TTC14: variants seen among roughly 807,000 people sequenced by gnomAD.
The protein encoded by TTC14 is tetratricopeptide repeat protein 14.
TTC14 carries 63 observed loss-of-function variants against 79.9 expected under a neutral mutation model. The ratio of observed to expected loss-of-function variants is 0.79; its 90% CI spans 0.64 to 0.97. The LOEUF is 0.97. TTC14 is among the 50% of genes least tolerant of loss of function. TTC14 has a pLI of 0.00. For synonymous variants in TTC14, 335 were observed against 309.6 expected (o/e 1.08, Z -0.86); for missense variants, 895 against 894.0 (o/e 1.00, Z -0.01).
At position 180,610,749 on chromosome 3, in the gene TTC14, A is replaced by T; in HGVS notation, c.*207A>T. 3.2e-6 allele frequency: 4 copies of T among 1,266,446 alleles called. No individual in the cohort carries two copies. The highest frequency in any genetic ancestry group is 4.0e-6 in the Non-Finnish European group (4 of 1,003,386). The allele number at this position is 1,266,446 out of a possible 1,614,324, so 78.5% of individuals were successfully genotyped here. A position where few individuals can be genotyped will look rare whatever the true frequency, so the allele number is the denominator to read the frequency against. ...AGCTTGGTTTTTAGACTTTTTATGT[A>T]TATGTTTATGTACAGTATATTACTC... On this transcript the variant is annotated 3_prime_UTR_variant, in exon 12 of 12. Coordinates refer to ENST00000296015, the MANE Select transcript of TTC14 (RefSeq NM_133462.4).
Position 180,606,233 on chromosome 3 carries a change from T to G in TTC14, c.930-20T>G. On this transcript the variant is annotated intron_variant, in intron 7 of 11. Transcript: ENST00000296015. ...ATATTGTTTGAAGTGTTTGTGATGC[T>G]TTACAAATGTCTTTTTTAGTGTGAA... The G allele has an allele frequency of 6.2e-7, 1 of 1,612,618 alleles. No homozygotes were observed. Among genetic ancestry groups the G allele is most frequent in the Non-Finnish European group, 8.5e-7 (1 of 1,179,536 alleles).
chr3:180,606,888 T>A (rs1716726676), intron 9 of TTC14, among the ~76,000 whole-genome samples: 1 of 152,194 alleles, frequency 6.6e-6, no homozygotes, highest in South Asian at 2.1e-4. Context: ...TATAGGAACT[T>A]CTATTTAATG....
intron 11 of TTC14, 159 bp from the exon 12 acceptor site, chr3:180,609,471 A>T: frequency 7.6e-7 from 1 of 1,315,326 alleles, no homozygotes; most frequent in Non-Finnish European, 9.6e-7. Flanking sequence ...AAAAGTGCTT[A>T]ATAGTAAAAT....
At chr3:180,614,346 A>G (rs79349285), downstream of TTC14, 3,641 of 115,470 alleles carry the variant, frequency 0.032, 74 homozygotes, top group Middle Eastern at 0.11. Context: ...TAAAATTGAT[A>G]TACAGTGTTT....
At chr3:180,606,182 C>A in intron 7 of TTC14, 71 bp from the exon 8 acceptor site, 2 of 1,583,166 alleles carry the variant, frequency 1.3e-6, no homozygotes, top group Non-Finnish European at 1.7e-6. Flanking sequence ...GCTTTTAAAA[C>A]TTATTCACAC....
chr3:180,615,156 A>G, downstream of TTC14: 1 of 1,064,632 alleles, frequency 9.4e-7, no homozygotes, highest in Non-Finnish European at 1.3e-6. Context: ...GGCAAAAGGT[A>G]CCATAATTCC....
downstream of TTC14, chr3:180,613,803 T>G (rs1439989857): frequency 4.4e-6 from 2 of 453,716 alleles, no homozygotes; most frequent in South Asian, 1.6e-5. Flanking sequence ...GCCAAAAATT[T>G]TATTACCTAC....
chr3:180,609,106 G>A (rs1668431908), intron 11 of TTC14: 1 of 857,406 alleles, frequency 1.2e-6, no homozygotes, highest in African/African-American at 1.8e-5. Flanking sequence ...TTCTCAACTA[G>A]GGGTGGATTT....
At position 180,605,747 on chromosome 3, in the gene TTC14, T is replaced by C. The variant is rs1229307192; in HGVS notation, c.858-19T>C. On this transcript the variant is annotated intron_variant, in intron 6 of 11. Coordinates refer to ENST00000296015, the MANE Select transcript of TTC14 (RefSeq NM_133462.4). ...AAATATTTGTGGTTTAACTTTTTAA[T>C]TTTTATTTTCTTTAATAGCAAAAAT... The C allele has an allele frequency of 6.4e-7, 1 of 1,557,632 alleles. No individual in the cohort carries two copies. The highest frequency in any genetic ancestry group is 1.2e-5 in the South Asian group (1 of 83,684).
chr3:180,610,478 T>C lies in TTC14; in HGVS notation c.2249T>C (p.Leu750Ser). 6.2e-7 allele frequency: 1 copy of C among 1,604,736 alleles called. No individual in the cohort carries two copies. Among genetic ancestry groups the C allele is most frequent in the East Asian group, 2.2e-5 (1 of 44,820 alleles). The change falls in exon 12 of 12, where the codon TTA becomes TCA. Residue 750 changes from leucine (L) to serine (S), a missense_variant. By Grantham distance (145) the Leu-to-Ser change is moderately radical. Coordinates refer to ENST00000296015, the MANE Select transcript of TTC14 (RefSeq NM_133462.4). ...GTTAAGAAAAATTTACCTCAGAATT[T>C]ACTGAATATATTTAATCAGATAGCT... Reference protein sequence around the residue: ...SSVKKNLPQNLLNIFNQIAEF... With the variant: ...SSVKKNLPQNSLNIFNQIAEF...
downstream of TTC14, among the ~76,000 whole-genome samples, chr3:180,611,750 C>T (rs1358250623): frequency 6.6e-6 from 1 of 152,160 alleles, no homozygotes; most frequent in East Asian, 1.9e-4. Context: ...TTACAATGGA[C>T]TTTAGATACT....
downstream of TTC14, chr3:180,614,683 G>C (rs1286857727): frequency 7.4e-6 from 3 of 406,334 alleles, no homozygotes; most frequent in Admixed American, 8.8e-5. Context: ...GTGAAATACA[G>C]CATTTTTCCT....
chr3:180,609,669 T>C lies in TTC14; in HGVS notation c.1440T>C (p.Ser480=), dbSNP rs1716881574. The change falls in exon 12 of 12, where the codon AGT becomes AGC. Residue 480 remains serine (S), a synonymous_variant. Coordinates refer to ENST00000296015, the MANE Select transcript of TTC14 (RefSeq NM_133462.4). ...GAAGAAAATCAACTTCTTCTTCAAG[T>C]GTTTCTTCTGCTGATGAATCAGTGT... is the stretch of plus-strand genomic sequence containing the variant. ...KKRRKSTSSS[S]VSSADESVSS... 1 of 1,584,988 alleles carries C rather than the reference T, an allele frequency of 6.3e-7. No homozygotes were observed. The highest frequency in any genetic ancestry group is 2.0e-5 in the Admixed American group (1 of 51,136).
intron 8 of TTC14, 21 bp from the exon 9 acceptor site, chr3:180,606,460 A>G (rs535658931): frequency 9.9e-6 from 16 of 1,613,462 alleles, no homozygotes; most frequent in East Asian, 6.7e-5. Context: ...ACAGCCCTCT[A>G]TCTTTGTTTC....
In TTC14 at chr3:180,609,797, C is replaced by T; in HGVS notation, c.1568C>T (p.Ala523Val). The change falls in exon 12 of 12, where the codon GCA becomes GTA. Residue 523 changes from alanine to valine, a missense_variant. Transcript: ENST00000296015. The part of the protein sequence containing the change: ...SRSSRRHSSR[A>V]SSNQIDQNRK... The stretch of plus-strand genomic sequence containing the variant: ...AGTTCCAGAAGGCATTCATCTAGGG[C>T]ATCCTCAAATCAGATAGATCAGAAT... 1 of 1,613,854 alleles carries T rather than the reference C, an allele frequency of 6.2e-7. No individual in the cohort carries two copies. The highest frequency in any genetic ancestry group is 8.5e-7 in the Non-Finnish European group (1 of 1,179,872).
chr3:180,611,025 T>C lies in TTC14; in HGVS notation c.*483T>C. ...ACACTTTTATATTTATCAGTTTAAA[T>C]ATTACATTTTTTGCCCAATTTTTTT... On this transcript the variant is annotated 3_prime_UTR_variant, in exon 12 of 12. Coordinates refer to ENST00000296015, the MANE Select transcript of TTC14 (RefSeq NM_133462.4). 1 of 939,516 alleles carries C rather than the reference T, an allele frequency of 1.1e-6. No individual in the cohort carries two copies. Among genetic ancestry groups the C allele is most frequent in the Non-Finnish European group, 1.3e-6 (1 of 788,274 alleles). 58.2% of individuals were successfully genotyped at this position (939,516 alleles called of 1,614,324 possible). A position where few individuals can be genotyped will look rare whatever the true frequency, so the allele number is the denominator to read the frequency against.
At chr3:180,608,865 A>G in intron 11 of TTC14, 55 bp downstream of exon 11, 1 of 1,360,114 alleles carries the variant, frequency 7.4e-7, no homozygotes, top group Non-Finnish European at 9.5e-7. Flanking sequence ...AATTGAACCC[A>G]AAGTGCCATA....
intron 6 of TTC14, 45 bp from the exon 7 acceptor site, chr3:180,605,721 A>C (rs753012886): frequency 6.9e-7 from 1 of 1,450,742 alleles, no homozygotes; most frequent in Admixed American, 2.3e-5. Context: ...AGTTACTTAA[A>C]AAATATTTGT....
Position 180,602,882 on chromosome 3 carries a change from C to G in TTC14, c.162-9C>G, listed in dbSNP as rs751048630. The G allele has an allele frequency of 5.0e-6, 8 of 1,596,042 alleles. No individual in the cohort carries two copies. The highest frequency in any genetic ancestry group is 6.8e-6 in the Non-Finnish European group (8 of 1,175,026). On this transcript the variant is annotated splice_polypyrimidine_tract_variant and intron_variant, in intron 1 of 11. Transcript: ENST00000296015. ...ACCCAATTTTCATATATATTTTTTT[C>G]TTTTTAAGAAAAGAGAAGAGAGTTG...
Sources: allele counts gnomAD v4.1 joint callset (sites outside exome capture counted in the v4.1 genomes callset), GRCh38; gene constraint gnomAD v4.1.1; transcripts MANE v1.5; gene names NCBI Gene and HGNC (gene_info 2026-07-23, HGNC 2026-07-21).